FBXW10: variants seen among roughly 807,000 people sequenced by gnomAD.
FBXW10 encodes the protein F-box/WD repeat-containing protein 10.
In FBXW10, 68 loss-of-function variants were observed where a neutral mutation model predicts 113.1. The ratio of observed to expected loss-of-function variants is 0.60; its 90% CI spans 0.49 to 0.74. The LOEUF is 0.74. FBXW10 is among the 30% of genes least tolerant of loss of function. The probability of loss-of-function intolerance (pLI) is 0.00; values close to 1 mark genes in which losing one functional copy is unlikely to be tolerated. For synonymous variants in FBXW10, 289 were observed against 481.6 expected, an observed-to-expected ratio of 0.60 and a Z score of 5.24; for missense variants, 753 against 1,284.5, an observed-to-expected ratio of 0.59 and a Z score of 6.32.
Position 18,744,504 on chromosome 17 carries a change from A to G in FBXW10, c.260A>G (p.Tyr87Cys). Residue 87 changes from tyrosine to cysteine, a missense_variant, in exon 1 of 14, where the codon TAT becomes TGT. By Grantham distance (194) the Tyr-to-Cys change is radical. Coordinates refer to ENST00000395665, the MANE Select transcript of FBXW10 (RefSeq NM_001267585.2). ...ACCACACAGGGAAAGGATTTCATCT[A>G]TAACAGGTCCCGGATCAACCTCAGC... ...LQTTQGKDFI[Y>C]NRSRINLSKK... is the part of the protein sequence containing the mutation. 2.5e-6 allele frequency: 4 copies of G among 1,613,996 alleles called. No individual in the cohort carries two copies. Among genetic ancestry groups the G allele is most frequent in the Middle Eastern group, 3.3e-4 (2 of 6,056 alleles).
Position 18,744,146 on chromosome 17 carries a change from A to G in FBXW10, c.-99A>G. 2.4e-5 allele frequency: 36 copies of G among 1,519,402 alleles called. No individual in the cohort carries two copies. The highest frequency in any genetic ancestry group is 3.2e-5 in the Non-Finnish European group (36 of 1,135,458). 94.1% of individuals were successfully genotyped at this position (1,519,402 alleles called of 1,614,324 possible). ...GGGAGACGTTTGTAATAGAAAAGGC[A>G]CAACTGGGGTATTTATTCATTCCCC... On this transcript the variant is annotated 5_prime_UTR_variant, in exon 1 of 14. Coordinates refer to ENST00000395665, the MANE Select transcript of FBXW10 (RefSeq NM_001267585.2).
chr17:18,772,537 G>A lies in FBXW10; in HGVS notation c.2132G>A (p.Ser711Asn). Residue 711 changes from serine (S) to asparagine (N), a missense_variant, in exon 12 of 14, where the codon AGT (serine) becomes AAT (asparagine). By Grantham distance (46) the Ser-to-Asn change is conservative. Coordinates refer to ENST00000395665, the MANE Select transcript of FBXW10 (RefSeq NM_001267585.2). ...KEKEEEKEENSLMEILSKCNI... is the reference protein window; with the variant it reads ...KEKEEEKEENNLMEILSKCNI... ...AAAGAGGAGGAAAAAGAAGAAAATA[G>A]TCTCATGGAAATTCTCTCTAAGTGT... 6.2e-7 allele frequency: 1 copy of A among 1,614,060 alleles called. No homozygotes were observed. Among genetic ancestry groups the A allele is most frequent in the Non-Finnish European group, 8.5e-7 (1 of 1,179,936 alleles).
chr17:18,750,293 A>T (rs1698066048), intron 4 of FBXW10, among the ~76,000 whole-genome samples, 156 bp downstream of exon 4: 1 of 151,870 alleles, frequency 6.6e-6, no homozygotes, highest in Non-Finnish European at 1.5e-5. Flanking sequence ...TTTTGGTCCA[A>T]ACTCCTGTTA....
intron 12 of FBXW10, among the ~76,000 whole-genome samples, chr17:18,774,580 G>A (rs1037265748): frequency 6.6e-6 from 1 of 151,998 alleles, no homozygotes; most frequent in African/African-American, 2.4e-5. Flanking sequence ...GATCACCTGA[G>A]GTCGGGAGTT....
chr17:18,755,119 C>G (rs1434952444), intron 5 of FBXW10, among the ~76,000 whole-genome samples: 1 of 151,542 alleles, frequency 6.6e-6, no homozygotes, highest in Non-Finnish European at 1.5e-5. Flanking sequence ...AAAAATTAGC[C>G]AGGCGTGGTG....
chr17:18,754,891 C>T (rs535832161), intron 5 of FBXW10, among the ~76,000 whole-genome samples: 1 of 152,316 alleles, frequency 6.6e-6, no homozygotes, highest in South Asian at 2.1e-4. Context: ...ATAATGAGAA[C>T]ATTTTGTGGG....
chr17:18,773,570 T>C (rs1282090986), intron 12 of FBXW10, among the ~76,000 whole-genome samples: 3 of 152,180 alleles, frequency 2.0e-5, no homozygotes, highest in South Asian at 2.1e-4. Context: ...ATACATTATG[T>C]GTGGGTTAGA....
rs1365610867 is a variant in FBXW10 at position 18,744,415 on chromosome 17, A to G, written c.171A>G (p.Leu57=). 6.2e-7 allele frequency: 1 copy of G among 1,613,762 alleles called. No homozygotes were observed. Among genetic ancestry groups the G allele is most frequent in the South Asian group, 1.1e-5 (1 of 91,068 alleles). Residue 57 remains leucine, a synonymous_variant, in exon 1 of 14, where the codon CTA becomes CTG. Coordinates refer to ENST00000395665, the MANE Select transcript of FBXW10 (RefSeq NM_001267585.2). ...ATGACATATCACAGAGGAGGTTTCTAGTTGGCATTCTGAAGCAGTTAAATA... is the reference window on the plus strand; with the variant it reads ...ATGACATATCACAGAGGAGGTTTCTGGTTGGCATTCTGAAGCAGTTAAATA... ...RINDISQRRF[L]VGILKQLNSL...
intron 5 of FBXW10, among the ~76,000 whole-genome samples, chr17:18,755,576 T>C (rs2151800641): frequency 6.6e-6 from 1 of 151,560 alleles, no homozygotes; most frequent in African/African-American, 2.4e-5. Context: ...TGCAAATGCA[T>C]AGCATAGCAT....
intron 13 of FBXW10, among the ~76,000 whole-genome samples, chr17:18,775,498 C>A (rs952026590): frequency 6.6e-6 from 1 of 152,122 alleles, no homozygotes; most frequent in East Asian, 1.9e-4. Context: ...CTAAGGTTTG[C>A]GTTTCCAGTT....
At chr17:18,760,372 G>A (rs1047274054) in intron 7 of FBXW10, among the ~76,000 whole-genome samples, 9 of 152,302 alleles carry the variant, frequency 5.9e-5, no homozygotes, top group Admixed American at 1.3e-4. Context: ...AATCTGCAGC[G>A]TGGGGCCAGC....
At position 18,768,672 on chromosome 17, in the gene FBXW10, C is replaced by A. The variant is rs1487669038; in HGVS notation, c.1843C>A (p.Pro615Thr). 2 of 1,613,770 alleles carry A rather than the reference C, an allele frequency of 1.2e-6. No homozygotes were observed. The highest frequency in any genetic ancestry group is 1.7e-6 in the Non-Finnish European group (2 of 1,179,822). Reference sequence around the variant, plus strand: ...GCGCTGCCTGATGGCCTTCAAGCATCCCAAGTAGGTGCCTGTGAAGCCCGG... The same window carrying A: ...GCGCTGCCTGATGGCCTTCAAGCATACCAAGTAGGTGCCTGTGAAGCCCGG... Reference protein sequence around the residue: ...YERCLMAFKHPKEVLDVSLLF... With the variant: ...YERCLMAFKHTKEVLDVSLLF... Residue 615 changes from proline to threonine, a missense_variant, in exon 10 of 14, where the codon CCC (proline) becomes ACC (threonine). Pro to Thr is a conservative substitution (Grantham distance 38). Coordinates refer to ENST00000395665, the MANE Select transcript of FBXW10 (RefSeq NM_001267585.2).
At chr17:18,758,732 TTGA>T (rs1355107962) in intron 7 of FBXW10, among the ~76,000 whole-genome samples, 12 of 147,846 alleles carry the variant, frequency 8.1e-5, no homozygotes, top group Non-Finnish European at 1.2e-4. Context: ...TATTTTCTAA[TTGA>T]TGACTGCAAA....
intron 13 of FBXW10, among the ~76,000 whole-genome samples, chr17:18,775,634 T>C (rs1281307687): frequency 6.6e-6 from 1 of 152,122 alleles, no homozygotes; most frequent in Non-Finnish European, 1.5e-5. Flanking sequence ...CAGAGAGAAT[T>C]TTAAGAGACT....
intron 5 of FBXW10, 99 bp downstream of exon 5, chr17:18,751,152 G>A: frequency 2.6e-6 from 4 of 1,514,042 alleles, no homozygotes; most frequent in Non-Finnish European, 3.6e-6. Context: ...TGAGGACAGA[G>A]GATCACGGCA....
At chr17:18,767,036 G>T (rs577458569) in intron 9 of FBXW10, among the ~76,000 whole-genome samples, 174 bp downstream of exon 9, 32 of 152,306 alleles carry the variant, frequency 2.1e-4, no homozygotes, top group African/African-American at 7.5e-4. Flanking sequence ...GTCTGTGGAG[G>T]GTAGGGGCTC....
Position 18,768,594 on chromosome 17 carries a change from T to C in FBXW10, c.1765T>C (p.Ser589Pro). Residue 589 changes from serine to proline, a missense_variant, in exon 10 of 14, where the codon TCA becomes CCA. By Grantham distance (74) the Ser-to-Pro change is moderately conservative. Transcript: ENST00000395665. The stretch of plus-strand genomic sequence containing the variant: ...GTTCTTTGACCAGTGGCATCTCCTC[T>C]CAGGAAGTACTGATGGCCTGGTCAT... ...CLFFDQWHLL[S>P]GSTDGLVMAW... 2 of 1,614,048 alleles carry C rather than the reference T, an allele frequency of 1.2e-6. No homozygotes were observed. Among genetic ancestry groups the C allele is most frequent in the Non-Finnish European group, 1.7e-6 (2 of 1,179,946 alleles).
At chr17:18,752,607 G>T (rs1385481389) in intron 5 of FBXW10, among the ~76,000 whole-genome samples, 1 of 151,942 alleles carries the variant, frequency 6.6e-6, no homozygotes, top group Non-Finnish European at 1.5e-5. Context: ...CATCTACTCG[G>T]GAGGCTGAGG....
At chr17:18,776,486 G>A (rs1164473233) in intron 13 of FBXW10, among the ~76,000 whole-genome samples, 1 of 152,122 alleles carries the variant, frequency 6.6e-6, no homozygotes, top group African/African-American at 2.4e-5. Context: ...TGAAGTTGAC[G>A]GGAAAACAAT....
Sources: gnomAD v4.1 joint callset for allele counts (sites outside exome capture counted in the v4.1 genomes callset) on GRCh38, gnomAD v4.1.1 for gene constraint, MANE v1.5 for transcripts, NCBI Gene and HGNC (gene_info 2026-07-23, HGNC 2026-07-21) for gene names.